RMST: variants seen among roughly 807,000 people sequenced by gnomAD.
The protein encoded by RMST is long intergenic non-protein coding RNA 54.
At chr12:97,520,918 G>C (rs996986307) in intron 10 of RMST, among the ~76,000 whole-genome samples, 1 of 152,222 alleles carries the variant, frequency 6.6e-6, no homozygotes, top group African/African-American at 2.4e-5. Flanking sequence ...GAGTGAGAAA[G>C]TCTGAGTTGC....
chr12:97,528,313 G>A lies in RMST; in HGVS notation n.1341-2342G>A, dbSNP rs921047556. Among the ~76,000 whole-genome samples the A allele has an allele frequency of 3.5e-4, 53 of 152,024 alleles. 1 individual carries two copies. The highest frequency in any genetic ancestry group is 7.4e-5 in the Non-Finnish European group (5 of 67,966). ...TAGTCATAAAAAGTTGGTTTTATCA[G>A]TCTTTCTTATTACCATATAATGACT... On this transcript the variant is annotated intron_variant and non_coding_transcript_variant, in intron 10 of 13. Coordinates refer to ENST00000640149, the Ensembl canonical transcript of RMST.
At chr12:97,473,545 G>A (rs1874183349) in intron 5 of RMST, among the ~76,000 whole-genome samples, 1 of 152,100 alleles carries the variant, frequency 6.6e-6, no homozygotes, top group African/African-American at 2.4e-5. Context: ...ATCTTGAGAA[G>A]ATAGGCTAAC....
chr12:97,527,198 CAGTT>C (rs1272998599), intron 10 of RMST, among the ~76,000 whole-genome samples: 20 of 151,780 alleles, frequency 1.3e-4, no homozygotes, highest in Non-Finnish European at 2.8e-4. Flanking sequence ...CAACGGAAGA[CAGTT>C]GGTGGGGCAC....
chr12:97,563,716 G>A (rs1037154083), intron 13 of RMST: 7 of 451,972 alleles, frequency 1.5e-5, no homozygotes, highest in East Asian at 7.0e-5. Context: ...TCACTTATGT[G>A]TAGTTTAAAA....
intron 10 of RMST, among the ~76,000 whole-genome samples, chr12:97,509,804 A>T (rs1206567125): frequency 6.6e-6 from 1 of 152,180 alleles, no homozygotes; most frequent in East Asian, 1.9e-4. Flanking sequence ...CCAGTCAACA[A>T]ATATATATTG....
At chr12:97,509,768 C>T (rs1437130981) in intron 10 of RMST, among the ~76,000 whole-genome samples, 1 of 152,186 alleles carries the variant, frequency 6.6e-6, no homozygotes, top group Non-Finnish European at 1.5e-5. Flanking sequence ...TTTCCTGGTG[C>T]AAATGTAACT....
At chr12:97,520,907 G>A (rs1880445859) in intron 10 of RMST, among the ~76,000 whole-genome samples, 1 of 152,222 alleles carries the variant, frequency 6.6e-6, no homozygotes, top group Non-Finnish European at 1.5e-5. Flanking sequence ...CTGTTTGATA[G>A]GAGTGAGAAA....
At chr12:97,472,379 T>C (rs536074958) in intron 5 of RMST, among the ~76,000 whole-genome samples, 26 of 152,238 alleles carry the variant, frequency 1.7e-4, no homozygotes, top group African/African-American at 6.0e-4. Context: ...GAATATGGTA[T>C]AGTGCAGAAT....
At chr12:97,537,811 C>T (rs1461474198) in intron 11 of RMST, among the ~76,000 whole-genome samples, 3 of 151,436 alleles carry the variant, frequency 2.0e-5, no homozygotes, top group Non-Finnish European at 1.5e-5. Context: ...AAATTTAATT[C>T]ATAAGAACAG....
intron 3 of RMST, chr12:97,462,913 G>A (rs748859130): frequency 1.1e-4 from 16 of 152,134 alleles, no homozygotes; most frequent in Non-Finnish European, 2.1e-4. Context: ...CAGTGGAGGA[G>A]AACAAAATAT....
At chr12:97,471,201 G>C (rs960281153) in intron 5 of RMST, among the ~76,000 whole-genome samples, 1 of 152,080 alleles carries the variant, frequency 6.6e-6, no homozygotes, top group African/African-American at 2.4e-5. Flanking sequence ...GATTAATGTA[G>C]ATAGATATAA....
chr12:97,511,357 C>T (rs1056561630), intron 10 of RMST, among the ~76,000 whole-genome samples: 2 of 152,014 alleles, frequency 1.3e-5, no homozygotes, highest in Non-Finnish European at 2.9e-5. Context: ...CCATGTTGGC[C>T]AGGTTGGTCT....
chr12:97,477,790 A>T (rs1007967123), intron 5 of RMST, among the ~76,000 whole-genome samples: 1 of 152,244 alleles, frequency 6.6e-6, no homozygotes, highest in African/African-American at 2.4e-5. Flanking sequence ...TATCTTCAGG[A>T]TCACAAGTAT....
chr12:97,512,361 G>C (rs749217618), intron 10 of RMST, among the ~76,000 whole-genome samples: 2 of 152,146 alleles, frequency 1.3e-5, no homozygotes, highest in African/African-American at 4.8e-5. Context: ...CTTCCACAGC[G>C]TGTAAGGGGA....
Position 97,557,201 on chromosome 12 carries a change from C to A in RMST, n.1546-3336C>A, listed in dbSNP as rs149460376. 2.5e-3 allele frequency among the ~76,000 whole-genome samples: 379 copies of A among 152,242 alleles called. 1 individual carries two copies. The highest frequency in any genetic ancestry group is 8.5e-3 in the African/African-American group (354 of 41,554). On this transcript the variant is annotated intron_variant and non_coding_transcript_variant, in intron 11 of 13. Transcript: ENST00000640149. ...AAGATGGAGTATTTTGGCAGTTTTG[C>A]AAATCAGATTTACTTGATATTTGCA...
intron 11 of RMST, among the ~76,000 whole-genome samples, chr12:97,531,505 G>T (rs1881621423): frequency 6.6e-6 from 1 of 151,906 alleles, no homozygotes; most frequent in Non-Finnish European, 1.5e-5. Flanking sequence ...AAGATTTGAG[G>T]AGTTTCCCAA....
At chr12:97,557,206 C>CA (rs1883765638) in intron 11 of RMST, among the ~76,000 whole-genome samples, 1 of 152,130 alleles carries the variant, frequency 6.6e-6, no homozygotes, top group Non-Finnish European at 1.5e-5. Flanking sequence ...TTTTGCAAAT[C>CA]AGATTTACTT....
intron 10 of RMST, among the ~76,000 whole-genome samples, chr12:97,528,075 T>G (rs1881286728): frequency 6.6e-6 from 1 of 152,180 alleles, no homozygotes; most frequent in South Asian, 2.1e-4. Flanking sequence ...CAATTATTAT[T>G]GTTGTTCCCA....
intron 10 of RMST, among the ~76,000 whole-genome samples, chr12:97,523,794 C>G (rs1257528023): frequency 2.0e-5 from 3 of 152,028 alleles, no homozygotes; most frequent in African/African-American, 7.2e-5. Context: ...ATTCACATAA[C>G]TGGCCGGGCG....
Sources: allele counts gnomAD v4.1 joint callset (sites outside exome capture counted in the v4.1 genomes callset), GRCh38; gene constraint gnomAD v4.1.1; transcripts MANE v1.5; gene names NCBI Gene and HGNC (gene_info 2026-07-23, HGNC 2026-07-21).